Variants in SH3RF1 observed in about 807,000 individuals in gnomAD.
SH3RF1 encodes the protein SH3 domain containing ring finger 1, also known as E3 ubiquitin-protein ligase SH3RF1.
SH3RF1 carries 32 observed loss-of-function variants against 74.0 expected under a neutral mutation model. That is an observed-to-expected ratio of 0.43 (90% CI 0.33 to 0.58). The LOEUF is 0.58. SH3RF1 is among the 20% of genes least tolerant of loss of function. SH3RF1 has a pLI of 0.05. For synonymous variants in SH3RF1, 396 were observed against 439.6 expected (o/e 0.90, Z 1.24); for missense variants, 954 against 1,130.9 (o/e 0.84, Z 2.24).
At chr4:169,159,004 A>G (rs989284543) in intron 2 of SH3RF1, among the ~76,000 whole-genome samples, 1 of 152,206 alleles carries the variant, frequency 6.6e-6, no homozygotes, top group African/African-American at 2.4e-5. Context: ...TGTCCTGGGA[A>G]GACAGGGGTT....
At chr4:169,242,204 T>C (rs1412744381) in intron 2 of SH3RF1, among the ~76,000 whole-genome samples, 1 of 152,156 alleles carries the variant, frequency 6.6e-6, no homozygotes, top group Non-Finnish European at 1.5e-5. Flanking sequence ...ATACTCTGCC[T>C]AAACCCATTC....
intron 2 of SH3RF1, among the ~76,000 whole-genome samples, chr4:169,243,207 G>T (rs2110736917): frequency 6.6e-6 from 1 of 152,226 alleles, no homozygotes; most frequent in South Asian, 2.1e-4. Flanking sequence ...AGGCATATAA[G>T]AATAAGGGAA....
intron 2 of SH3RF1, among the ~76,000 whole-genome samples, chr4:169,186,351 T>TA (rs954546871): frequency 2.9e-4 from 43 of 146,516 alleles, no homozygotes; most frequent in South Asian, 1.3e-3. Flanking sequence ...ACTTAAAAGT[T>TA]AAAAAAAAAA....
Position 169,120,823 on chromosome 4 carries a change from T to G in SH3RF1, c.1513A>C (p.Thr505Pro). ...ACAATGTATTCAAAACCATACCTTG[T>G]GACTGGTGCCACATAATTGCCAGGG... ...VFPGNYVAPVTRAVTNASQAK... is the reference protein window; with the variant it reads ...VFPGNYVAPVPRAVTNASQAK... Residue 505 changes from threonine to proline, a missense_variant, in exon 8 of 12, where the codon ACA (threonine) becomes CCA (proline). Coordinates refer to ENST00000284637, the MANE Select transcript of SH3RF1 (RefSeq NM_020870.4). 6.2e-7 allele frequency: 1 copy of G among 1,614,176 alleles called. No homozygotes were observed. The highest frequency in any genetic ancestry group is 8.5e-7 in the Non-Finnish European group (1 of 1,180,030).
At chr4:169,160,176 A>T (rs907141742) in intron 2 of SH3RF1, among the ~76,000 whole-genome samples, 1 of 152,182 alleles carries the variant, frequency 6.6e-6, no homozygotes, top group South Asian at 2.1e-4. Context: ...AAACCCATGC[A>T]CCAAGATACA....
At chr4:169,099,835 T>G (rs2126933874) in intron 11 of SH3RF1, among the ~76,000 whole-genome samples, 1 of 152,306 alleles carries the variant, frequency 6.6e-6, no homozygotes, top group East Asian at 1.9e-4. Context: ...CTAAGTTTTA[T>G]AAACCTCTGG....
In SH3RF1 at chr4:169,268,802, C is replaced by T; in HGVS notation, c.393+18G>A. 1 of 1,543,004 alleles carries T rather than the reference C, an allele frequency of 6.5e-7. No homozygotes were observed. The highest frequency in any genetic ancestry group is 8.7e-7 in the Non-Finnish European group (1 of 1,149,376). On this transcript the variant is annotated intron_variant, in intron 2 of 11. Coordinates refer to ENST00000284637, the MANE Select transcript of SH3RF1 (RefSeq NM_020870.4). The stretch of plus-strand genomic sequence containing the variant: ...ATTACCACCTTTATTCACCAAACTA[C>T]CTCTGTAGGCTACTTACCCTCACTG...
chr4:169,259,383 T>C (rs1055154517), intron 2 of SH3RF1, among the ~76,000 whole-genome samples: 5 of 152,128 alleles, frequency 3.3e-5, no homozygotes, highest in African/African-American at 4.8e-5. Context: ...AAATGGCACC[T>C]CCATTCCCTT....
At chr4:169,241,790 G>C (rs1244145139) in intron 2 of SH3RF1, among the ~76,000 whole-genome samples, 1 of 152,158 alleles carries the variant, frequency 6.6e-6, no homozygotes, top group African/African-American at 2.4e-5. Flanking sequence ...TTGGGAAATG[G>C]GGACTGGTTT....
At chr4:169,254,501 T>C (rs931883705) in intron 2 of SH3RF1, among the ~76,000 whole-genome samples, 2 of 152,222 alleles carry the variant, frequency 1.3e-5, no homozygotes, top group Non-Finnish European at 2.9e-5. Flanking sequence ...TTTCAATTCC[T>C]GTTGATAGTG....
At chr4:169,178,281 T>TTAAATAAGCAACTATGCTTATTTAAAA (rs1254161658) in intron 2 of SH3RF1, among the ~76,000 whole-genome samples, 2 of 114,022 alleles carry the variant, frequency 1.8e-5, no homozygotes, top group Admixed American at 1.7e-4. Context: ...AATTTTTTTT[T>TTAAATAAGCAACTATGCTTATTTAAAA]AAATAAGCAA....
At chr4:169,240,557 A>C (rs1730892249) in intron 2 of SH3RF1, among the ~76,000 whole-genome samples, 1 of 152,178 alleles carries the variant, frequency 6.6e-6, no homozygotes, top group Non-Finnish European at 1.5e-5. Context: ...AAAGATACCA[A>C]CGTGTATTAA....
Position 169,120,899 on chromosome 4 carries a change from C to G in SH3RF1, c.1437G>C (p.Gln479His). Residue 479 changes from glutamine to histidine, a missense_variant, in exon 8 of 12, where the codon CAG becomes CAC. Around this residue, in one of 3 missense-constraint regions of SH3RF1, gnomAD observed 854 missense variants for 962.5 expected, o/e 0.89. Coordinates refer to ENST00000284637, the MANE Select transcript of SH3RF1 (RefSeq NM_020870.4). ...GEMFLVFERC[Q>H]DGWFKGTSMH... ...TGGATGTCCCTTTGAACCAGCCATC[C>G]TGGCAGCGCTCAAACACTAAAAACA... 1 of 1,614,214 alleles carries G rather than the reference C, an allele frequency of 6.2e-7. No individual in the cohort carries two copies. The highest frequency in any genetic ancestry group is 8.5e-7 in the Non-Finnish European group (1 of 1,180,032).
chr4:169,113,402 G>A (rs989665298), intron 10 of SH3RF1, among the ~76,000 whole-genome samples: 3 of 152,118 alleles, frequency 2.0e-5, no homozygotes, highest in Admixed American at 6.5e-5. Context: ...AAGCCACCGC[G>A]CCCGGCCCCA....
At chr4:169,167,880 T>C (rs544248369) in intron 2 of SH3RF1, among the ~76,000 whole-genome samples, 11 of 152,220 alleles carry the variant, frequency 7.2e-5, no homozygotes, top group Middle Eastern at 3.4e-3. Flanking sequence ...TACCAAAGGA[T>C]ATTAAGGTAA....
intron 2 of SH3RF1, among the ~76,000 whole-genome samples, chr4:169,182,247 A>G (rs956822866): frequency 2.6e-5 from 4 of 152,240 alleles, no homozygotes; most frequent in African/African-American, 9.6e-5. Flanking sequence ...AAAAGATAAT[A>G]CATTACTGCA....
chr4:169,121,011 G>T (rs1733428502), intron 7 of SH3RF1, 22 bp from the exon 8 acceptor site: 3 of 1,597,940 alleles, frequency 1.9e-6, no homozygotes, highest in South Asian at 2.2e-5. Context: ...AATAATATTT[G>T]ATTTCAGGTT....
At chr4:169,226,490 GAAAAA>G (rs532033835) in intron 2 of SH3RF1, among the ~76,000 whole-genome samples, 1 of 132,260 alleles carries the variant, frequency 7.6e-6, no homozygotes, top group African/African-American at 2.8e-5. Flanking sequence ...CTGATTTAAA[GAAAAA>G]AAAAAAAGAG....
At chr4:169,206,582 G>C (rs1255933417) in intron 2 of SH3RF1, among the ~76,000 whole-genome samples, 2 of 152,176 alleles carry the variant, frequency 1.3e-5, no homozygotes, top group South Asian at 2.1e-4. Context: ...GTGAAGTCAA[G>C]AAACATTTGG....
Sources: gnomAD v4.1 joint callset for allele counts (sites outside exome capture counted in the v4.1 genomes callset) on GRCh38, gnomAD v4.1.1 for gene constraint, gnomAD v4.1.1 regional missense constraint, MANE v1.5 for transcripts, NCBI Gene and HGNC (gene_info 2026-07-23, HGNC 2026-07-21) for gene names.